SORCS3: variants seen among roughly 807,000 people sequenced by gnomAD.
SORCS3 encodes the protein VPS10 domain-containing receptor SorCS3.
A neutral mutation model predicts 146.3 loss-of-function variants in SORCS3; 57 were observed. That is an observed-to-expected ratio of 0.39 (90% CI 0.31 to 0.49). SORCS3 has a LOEUF of 0.49. SORCS3 is among the 20% of genes least tolerant of loss of function. The pLI is 0.92. For synonymous variants in SORCS3, 653 were observed against 618.5 expected (o/e 1.06, Z -0.83); for missense variants, 1,341 against 1,575.5 (o/e 0.85, Z 2.52).
rs1207442338 is a variant in SORCS3 at position 105,255,818 on chromosome 10, A to G, written c.3337+17A>G. The G allele has an allele frequency of 2.5e-6, 4 of 1,578,418 alleles. No individual in the cohort carries two copies. Among genetic ancestry groups the G allele is most frequent in the South Asian group, 1.1e-5 (1 of 89,284 alleles). The stretch of plus-strand genomic sequence containing the variant: ...TGACGTTAGGTGAGTGCCACTGGGA[A>G]CTGGGGAAATGGGAAAGAGGATCTG... On this transcript the variant is annotated intron_variant, in intron 24 of 26. Transcript: ENST00000369701.
intron 3 of SORCS3, among the ~76,000 whole-genome samples, chr10:104,949,042 C>G (rs917351688): frequency 6.6e-6 from 1 of 152,120 alleles, no homozygotes; most frequent in Non-Finnish European, 1.5e-5. Flanking sequence ...TTTGGGATCA[C>G]ACATCCATCC....
At chr10:104,844,568 T>A (rs2018182936) in intron 2 of SORCS3, among the ~76,000 whole-genome samples, 1 of 152,214 alleles carries the variant, frequency 6.6e-6, no homozygotes, top group South Asian at 2.1e-4. Context: ...GTTTGGTGTC[T>A]GTAAGGGTAC....
At chr10:104,926,318 T>C (rs1012767389) in intron 3 of SORCS3, among the ~76,000 whole-genome samples, 17 of 152,352 alleles carry the variant, frequency 1.1e-4, no homozygotes, top group African/African-American at 4.1e-4. Flanking sequence ...CTTTTGTTAA[T>C]TCACAGCCAT....
chr10:105,047,958 G>T (rs1200008777), intron 5 of SORCS3, among the ~76,000 whole-genome samples: 1 of 152,152 alleles, frequency 6.6e-6, no homozygotes, highest in Non-Finnish European at 1.5e-5. Context: ...GGCCATCAGA[G>T]AAATGCAAAT....
intron 4 of SORCS3, among the ~76,000 whole-genome samples, chr10:105,007,323 A>G (rs1159177593): frequency 6.6e-6 from 1 of 151,034 alleles, no homozygotes; most frequent in Non-Finnish European, 1.5e-5. Context: ...GTGAAAATAC[A>G]CAAAACAACA....
At chr10:105,091,651 T>A (rs1271740524) in intron 6 of SORCS3, among the ~76,000 whole-genome samples, 1 of 152,038 alleles carries the variant, frequency 6.6e-6, no homozygotes, top group Non-Finnish European at 1.5e-5. Flanking sequence ...ACACTCTTTT[T>A]AATGTATTTT....
chr10:104,927,648 G>C (rs1033150375), intron 3 of SORCS3, among the ~76,000 whole-genome samples: 6 of 152,180 alleles, frequency 3.9e-5, no homozygotes, highest in Non-Finnish European at 5.9e-5. Context: ...GGAGGCCGAG[G>C]CAGGTGGATC....
chr10:105,093,361 A>G (rs1311828123), intron 6 of SORCS3, among the ~76,000 whole-genome samples: 1 of 152,200 alleles, frequency 6.6e-6, no homozygotes, highest in Non-Finnish European at 1.5e-5. Context: ...CTTGGGATGG[A>G]CAGAGTTTTT....
At chr10:104,915,757 A>G in intron 2 of SORCS3, 76 bp from the exon 3 acceptor site, 2 of 1,238,530 alleles carry the variant, frequency 1.6e-6, no homozygotes, top group South Asian at 2.4e-5. Context: ...GTCGAGGGAG[A>G]ACCTGGCTTC....
rs56203751 is a variant in SORCS3 at position 104,735,456 on chromosome 10, GTTTT to G, written c.627+93520_627+93523del. Among the ~76,000 whole-genome samples, 162 of 35,012 alleles carry G rather than the reference GTTTT, an allele frequency of 4.6e-3. 10 individuals are homozygous for G. Among genetic ancestry groups the G allele is most frequent in the South Asian group, 0.016 (9 of 558 alleles). The allele number at this position is 35,012 out of a possible 152,430, so 23.0% of individuals were successfully genotyped here. On this transcript the variant is annotated intron_variant, in intron 1 of 26. Transcript: ENST00000369701. Reference sequence around the variant, plus strand: ...CGGTATTCATGAGCTCTCACCGTCTGTTTTTTTTTTTTTTTTTTTTTAATCAATC... The same window carrying G: ...CGGTATTCATGAGCTCTCACCGTCTGTTTTTTTTTTTTTTTTTAATCAATC...
At chr10:105,246,202 C>G (rs2056865331) in intron 21 of SORCS3, among the ~76,000 whole-genome samples, 1 of 152,184 alleles carries the variant, frequency 6.6e-6, no homozygotes, top group Non-Finnish European at 1.5e-5. Context: ...CTATCCTGTT[C>G]TCAACCCTGG....
At chr10:105,226,519 T>A (rs2056734937) in intron 20 of SORCS3, among the ~76,000 whole-genome samples, 1 of 152,038 alleles carries the variant, frequency 6.6e-6, no homozygotes, top group Admixed American at 6.6e-5. Context: ...ATAGTTTTCT[T>A]TTTTTGTTGA....
At chr10:104,960,552 C>T (rs978086150) in intron 3 of SORCS3, among the ~76,000 whole-genome samples, 2 of 152,106 alleles carry the variant, frequency 1.3e-5, no homozygotes, top group African/African-American at 4.8e-5. Context: ...ATGCTCAGAT[C>T]CCTCTTCCTC....
intron 22 of SORCS3, among the ~76,000 whole-genome samples, chr10:105,248,607 G>T (rs892900331): frequency 1.3e-5 from 2 of 151,866 alleles, no homozygotes; most frequent in Non-Finnish European, 2.9e-5. Context: ...CCAGCTACTC[G>T]GGAGGCTGAG....
At chr10:104,811,648 C>G (rs999381287) in intron 1 of SORCS3, among the ~76,000 whole-genome samples, 1 of 152,174 alleles carries the variant, frequency 6.6e-6, no homozygotes, top group Non-Finnish European at 1.5e-5. Context: ...GGAAGTAGCT[C>G]TGGAGTAAGC....
intron 4 of SORCS3, among the ~76,000 whole-genome samples, chr10:105,032,683 A>G (rs1374506191): frequency 1.3e-5 from 2 of 152,182 alleles, no homozygotes; most frequent in African/African-American, 2.4e-5. Context: ...TAGTAATTTA[A>G]ATTAAATAAA....
chr10:105,190,299 T>G (rs993809833), intron 14 of SORCS3, among the ~76,000 whole-genome samples: 1 of 152,260 alleles, frequency 6.6e-6, no homozygotes, highest in Non-Finnish European at 1.5e-5. Flanking sequence ...TGAACCTCAG[T>G]TTCCTCATCT....
chr10:104,717,329 A>G (rs974746253), intron 1 of SORCS3, among the ~76,000 whole-genome samples: 3 of 151,500 alleles, frequency 2.0e-5, no homozygotes, highest in African/African-American at 7.3e-5. Context: ...GAAAAAGAAA[A>G]TGTCAGCATG....
intron 1 of SORCS3, among the ~76,000 whole-genome samples, chr10:104,668,341 C>CT (rs940033528): frequency 5.9e-5 from 9 of 152,000 alleles, no homozygotes; most frequent in African/African-American, 1.9e-4. Context: ...TACTAAGTGC[C>CT]TTTTTTTCCT....
Sources: gnomAD v4.1 joint callset for allele counts (sites outside exome capture counted in the v4.1 genomes callset) on GRCh38, gnomAD v4.1.1 for gene constraint, MANE v1.5 for transcripts, NCBI Gene and HGNC (gene_info 2026-07-23, HGNC 2026-07-21) for gene names.